The following ZNF469 variants were observed in gnomAD, a reference collection of about 807,000 sequenced individuals.
ZNF469 encodes zinc finger protein 469.
Under a neutral mutation model 1.0 loss-of-function variants are expected in ZNF469, and 1 was observed. That is an observed-to-expected ratio of 1.00 (90% CI 0.35 to 4.73). ZNF469 has a LOEUF of 4.73. Ranked by LOEUF, ZNF469 falls within the 30% of genes most tolerant of loss-of-function variation. The probability of loss-of-function intolerance (pLI) is 0.16; values close to 1 mark genes in which losing one functional copy is unlikely to be tolerated. For synonymous variants in ZNF469, 2,703 were observed against 2,363.4 expected (o/e 1.14, Z -4.17); for missense variants, 6,100 against 5,356.3 (o/e 1.14, Z -4.33).
chr16:88,298,036 C>T, the ZNF469 span, among the ~76,000 whole-genome samples: 5 of 152,214 alleles, frequency 3.3e-5, no homozygotes, highest in Admixed American at 2.0e-4. Context: ...GTCTTGTCCC[C>T]AGAAATCAAG....
At chr16:88,392,853 G>T (rs8049712) in intron 1 of ZNF469, among the ~76,000 whole-genome samples, 9 of 152,206 alleles carry the variant, frequency 5.9e-5, no homozygotes, top group Middle Eastern at 3.4e-3. Context: ...TCCCCGGCAG[G>T]TTCCCTCCCC....
the ZNF469 span, among the ~76,000 whole-genome samples, chr16:88,102,672 A>G: frequency 6.6e-6 from 1 of 152,188 alleles, no homozygotes; most frequent in Admixed American, 6.5e-5. Flanking sequence ...GACAGCCCTC[A>G]TCGTCCTCCC....
chr16:88,438,087 A>G lies in ZNF469; in HGVS notation c.10617A>G (p.Arg3539=). 1 of 1,550,396 alleles carries G rather than the reference A, an allele frequency of 6.4e-7. No individual in the cohort carries two copies. Among genetic ancestry groups the G allele is most frequent in the East Asian group, 2.4e-5 (1 of 40,916 alleles). The change falls in exon 3 of 3, where the codon AGA becomes AGG. Residue 3539 remains arginine, a synonymous_variant. Coordinates refer to ENST00000565624, the MANE Select transcript of ZNF469 (RefSeq NM_001367624.2). ...RPVDPVTHPI[R]GCELPSNHQE... ...TAGACCCCGTGACCCACCCGATCAG[A>G]GGTTGTGAGCTGCCATCCAACCACC...
the ZNF469 span, among the ~76,000 whole-genome samples, chr16:88,291,289 G>C: frequency 6.6e-6 from 1 of 152,216 alleles, no homozygotes; most frequent in East Asian, 1.9e-4. Flanking sequence ...GACTCCAGGG[G>C]CTCGGCTGCT....
the ZNF469 span, among the ~76,000 whole-genome samples, chr16:88,179,250 C>T: frequency 6.6e-6 from 1 of 152,174 alleles, no homozygotes; most frequent in Non-Finnish European, 1.5e-5. Flanking sequence ...AGGGTCAGGT[C>T]CCTCAGGAAT....
At chr16:88,249,715 C>A in the ZNF469 span, among the ~76,000 whole-genome samples, 160 of 152,072 alleles carry the variant, frequency 1.1e-3, no homozygotes, top group Middle Eastern at 3.4e-3. Context: ...GGATTACAGG[C>A]GTGAGCCACC....
chr16:88,157,873 C>T, the ZNF469 span, among the ~76,000 whole-genome samples: 1 of 152,000 alleles, frequency 6.6e-6, no homozygotes, highest in Admixed American at 6.5e-5. Context: ...GTGAGGATGC[C>T]TGGGTCTCTG....
the ZNF469 span, among the ~76,000 whole-genome samples, chr16:88,296,603 C>T: frequency 2.0e-5 from 3 of 152,086 alleles, no homozygotes; most frequent in Non-Finnish European, 2.9e-5. Flanking sequence ...CATGCACACT[C>T]ACAGACATGC....
chr16:88,112,312 G>T, the ZNF469 span, among the ~76,000 whole-genome samples: 1 of 152,238 alleles, frequency 6.6e-6, no homozygotes, highest in Non-Finnish European at 1.5e-5. Flanking sequence ...CAGTGGTATT[G>T]CTGGATCCTA....
chr16:88,311,858 G>A, the ZNF469 span, among the ~76,000 whole-genome samples: 1 of 147,138 alleles, frequency 6.8e-6, no homozygotes, highest in Non-Finnish European at 1.5e-5. Flanking sequence ...GAAGCTGCGT[G>A]CTTTCAAATG....
the ZNF469 span, chr16:88,101,007 T>A: frequency 3.8e-6 from 1 of 265,162 alleles, no homozygotes; most frequent in Non-Finnish European, 7.4e-6. Flanking sequence ...ACGGGGCAGC[T>A]GTCCCTCTGC....
chr16:88,348,996 G>T, the ZNF469 span, among the ~76,000 whole-genome samples: 1 of 152,202 alleles, frequency 6.6e-6, no homozygotes, highest in East Asian at 1.9e-4. Flanking sequence ...CGAGTCCTCG[G>T]CCCCTGCCTC....
At chr16:88,214,266 G>A in the ZNF469 span, among the ~76,000 whole-genome samples, 429 of 152,314 alleles carry the variant, frequency 2.8e-3, 2 homozygotes, top group African/African-American at 9.9e-3. Flanking sequence ...TTCCGGTGAT[G>A]ACCCCATCTG....
the ZNF469 span, among the ~76,000 whole-genome samples, chr16:88,337,140 G>A: frequency 3.3e-5 from 5 of 152,174 alleles, no homozygotes; most frequent in African/African-American, 4.8e-5. Flanking sequence ...CGCTATGAAC[G>A]TTCACACCTG....
At chr16:88,309,537 G>A in the ZNF469 span, among the ~76,000 whole-genome samples, 1 of 144,988 alleles carries the variant, frequency 6.9e-6, no homozygotes, top group Non-Finnish European at 1.5e-5. Context: ...TCGGTGTTCA[G>A]GACACCTGAT....
At chr16:88,351,018 C>G in the ZNF469 span, among the ~76,000 whole-genome samples, 2 of 152,212 alleles carry the variant, frequency 1.3e-5, no homozygotes. Context: ...GTTGCAGCAG[C>G]AAGGCGACCT....
chr16:88,432,382 G>A lies in ZNF469; in HGVS notation c.4912G>A (p.Glu1638Lys), dbSNP rs920584460. The part of the protein sequence containing the change: ...TRVGESTAHR[E>K]GAESAVATVE... ...CGTTGGAGAATCCACTGCACATCGG[G>A]AGGGTGCGGAATCGGCTGTGGCCAC... The change falls in exon 3 of 3, where the codon GAG (glutamate) becomes AAG (lysine). Residue 1638 changes from glutamate (E) to lysine (K), a missense_variant. By Grantham distance (56) the Glu-to-Lys change is moderately conservative. Coordinates refer to ENST00000565624, the MANE Select transcript of ZNF469 (RefSeq NM_001367624.2). 2 of 1,549,318 alleles carry A rather than the reference G, an allele frequency of 1.3e-6. No individual in the cohort carries two copies. Among genetic ancestry groups the A allele is most frequent in the Non-Finnish European group, 1.7e-6 (2 of 1,146,672 alleles).
At chr16:88,331,901 T>C in the ZNF469 span, among the ~76,000 whole-genome samples, 495 of 152,276 alleles carry the variant, frequency 3.3e-3, 6 homozygotes, top group Non-Finnish European at 5.1e-4. Flanking sequence ...CCATGAGTCC[T>C]GGAAGCTCAG....
Position 88,428,936 on chromosome 16 carries a change from C to G in ZNF469, c.1466C>G (p.Pro489Arg), listed in dbSNP as rs759524656. 9.7e-6 allele frequency: 15 copies of G among 1,546,440 alleles called. No individual in the cohort carries two copies. Among genetic ancestry groups the G allele is most frequent in the Non-Finnish European group, 1.2e-5 (14 of 1,145,646 alleles). The change falls in exon 3 of 3, where the codon CCG becomes CGG. Residue 489 changes from proline (P) to arginine (R), a missense_variant. Transcript: ENST00000565624. ...SAPLPWPQVLPTARPSPHGME... is the reference protein window; with the variant it reads ...SAPLPWPQVLRTARPSPHGME... The stretch of plus-strand genomic sequence containing the variant: ...CCCCTGCCTTGGCCCCAAGTGCTCC[C>G]GACCGCCCGGCCAAGTCCCCACGGA...
Sources: allele counts gnomAD v4.1 joint callset (sites outside exome capture counted in the v4.1 genomes callset), GRCh38; gene constraint gnomAD v4.1.1; transcripts MANE v1.5; gene names NCBI Gene and HGNC (gene_info 2026-07-23, HGNC 2026-07-21).